CAPN5: variants seen among roughly 807,000 people sequenced by gnomAD.
The protein encoded by CAPN5 is calpain 5.
In CAPN5, 54 loss-of-function variants were observed where a neutral mutation model predicts 73.0. That is an observed-to-expected ratio of 0.74 (90% CI 0.59 to 0.93). The LOEUF (loss-of-function observed/expected upper bound fraction) is 0.93. Among genes scored for constraint, CAPN5 ranks in the 40% least tolerant of loss-of-function variants. The probability of loss-of-function intolerance (pLI) is 0.00; values close to 1 mark genes in which losing one functional copy is unlikely to be tolerated. For missense variants in CAPN5, 785 were observed against 882.9 expected (o/e 0.89, Z 1.41); for synonymous variants, 335 against 356.9 (o/e 0.94, Z 0.69).
intron 3 of CAPN5, among the ~76,000 whole-genome samples, chr11:77,105,898 TCCTGCC>T (rs1310862066): frequency 6.6e-6 from 1 of 152,164 alleles, no homozygotes; most frequent in Non-Finnish European, 1.5e-5. Flanking sequence ...GGAGGCGGCC[TCCTGCC>T]CAGGTCACAG....
At chr11:77,096,631 C>G (rs1449953639) in intron 3 of CAPN5, among the ~76,000 whole-genome samples, 12 of 152,256 alleles carry the variant, frequency 7.9e-5, no homozygotes, top group African/African-American at 2.9e-4. Context: ...GTTTTAGGAA[C>G]TTGAAATCAG....
Position 77,122,136 on chromosome 11 carries a change from TCTC to T in CAPN5, c.1603+90_1603+92del, listed in dbSNP as rs1950525854. Reference sequence around the variant, plus strand: ...CCAGCACGGATACCAGCCTCAGAGCTCTCCTGCTCTCAGAGGCACTGCAGGCCT... The same window carrying T: ...CCAGCACGGATACCAGCCTCAGAGCTCTGCTCTCAGAGGCACTGCAGGCCT... On this transcript the variant is annotated intron_variant, in intron 11 of 12. Transcript: ENST00000648180. 5 of 741,584 alleles carry T rather than the reference TCTC, an allele frequency of 6.7e-6. No individual in the cohort carries two copies. The Admixed American group carries it at 9.0e-5, about 13-fold the overall frequency. 45.9% of individuals were successfully genotyped at this position (741,584 alleles called of 1,614,324 possible).
chr11:77,107,400 T>C (rs181954434), intron 3 of CAPN5, among the ~76,000 whole-genome samples: 17 of 152,008 alleles, frequency 1.1e-4, no homozygotes, highest in Admixed American at 9.8e-4. Context: ...CAGGCAGAAA[T>C]GTGAAAAGCT....
chr11:77,088,102 C>A, intron 2 of CAPN5: 1 of 1,504,692 alleles, frequency 6.6e-7, no homozygotes, highest in Non-Finnish European at 8.8e-7. Context: ...AACATCCCCT[C>A]ATCCAGCATG....
At chr11:77,094,033 T>C (rs972652296) in intron 3 of CAPN5, among the ~76,000 whole-genome samples, 1 of 152,214 alleles carries the variant, frequency 6.6e-6, no homozygotes, top group Non-Finnish European at 1.5e-5. Flanking sequence ...TCCGTCAGGC[T>C]CCCAAGGTCA....
At chr11:77,084,786 G>T in intron 1 of CAPN5, 66 bp from the exon 2 acceptor site, 2 of 1,411,486 alleles carry the variant, frequency 1.4e-6, no homozygotes, top group South Asian at 1.2e-5. Flanking sequence ...GATGATGTCC[G>T]CTTCACAGGG....
rs782760698 is a variant in CAPN5 at position 77,123,875 on chromosome 11, T to G, written c.*5T>G. On this transcript the variant is annotated 3_prime_UTR_variant, in exon 13 of 13. Transcript: ENST00000648180. ...ACCTCCCTCATGGCTGTCTGACACC[T>G]GCCCACCTACCTGGCTCTGACCGTT... The G allele has an allele frequency of 6.2e-7, 1 of 1,611,958 alleles. No individual in the cohort carries two copies. The highest frequency in any genetic ancestry group is 8.5e-7 in the Non-Finnish European group (1 of 1,179,282).
rs1233348882 is a variant in CAPN5 at position 77,124,268 on chromosome 11, C to T, written c.*398C>T. 12 of 187,864 alleles carry T rather than the reference C, an allele frequency of 6.4e-5. No homozygotes were observed. The highest frequency in any genetic ancestry group is 2.7e-4 in the Admixed American group (5 of 18,186). The allele number at this position is 187,864 out of a possible 1,614,324, so 11.6% of individuals were successfully genotyped here. ...TCGTGTCCTAGGCCCAACCCAGCCT[C>T]CCAGACCTCACTTTCCCCATCAGCA... is the stretch of plus-strand genomic sequence containing the variant. On this transcript the variant is annotated 3_prime_UTR_variant, in exon 13 of 13. Coordinates refer to ENST00000648180, the MANE Select transcript of CAPN5 (RefSeq NM_004055.5).
At chr11:77,102,854 G>C in intron 3 of CAPN5, 1 of 1,596,332 alleles carries the variant, frequency 6.3e-7, no homozygotes, top group Non-Finnish European at 8.5e-7. Flanking sequence ...CGGAGGACAG[G>C]CCGCAGCAGC....
intron 1 of CAPN5, among the ~76,000 whole-genome samples, chr11:77,068,227 C>A (rs1017581581): frequency 2.0e-5 from 3 of 152,074 alleles, no homozygotes; most frequent in African/African-American, 7.2e-5. Flanking sequence ...CTGCCTTTGC[C>A]TCCTGGGCAG....
intron 2 of CAPN5, 50 bp from the exon 3 acceptor site, chr11:77,093,632 C>G (rs900973721): frequency 6.6e-7 from 1 of 1,521,316 alleles, no homozygotes; most frequent in African/African-American, 1.4e-5. Context: ...CCATGGGGGG[C>G]ATCCGCATGC....
At chr11:77,095,650 A>G (rs1371009577) in intron 3 of CAPN5, among the ~76,000 whole-genome samples, 1 of 151,762 alleles carries the variant, frequency 6.6e-6, no homozygotes, top group Admixed American at 6.6e-5. Flanking sequence ...GCTGGGCCTG[A>G]CTCCAGTCTC....
chr11:77,106,237 G>A (rs1402479158), intron 3 of CAPN5, among the ~76,000 whole-genome samples: 6 of 151,594 alleles, frequency 4.0e-5, no homozygotes, highest in African/African-American at 1.5e-4. Flanking sequence ...CACAGCATGC[G>A]CAGAACCCTT....
At chr11:77,071,332 A>G (rs10751273) in intron 1 of CAPN5, among the ~76,000 whole-genome samples, 111,794 of 152,166 alleles carry the variant, frequency 0.73, 41,357 homozygotes, top group African/African-American at 0.82. Context: ...TCCCTGGCAC[A>G]GCCGCATGGG....
chr11:77,108,822 G>T (rs1391976689), intron 3 of CAPN5, among the ~76,000 whole-genome samples: 1 of 151,814 alleles, frequency 6.6e-6, no homozygotes, highest in Non-Finnish European at 1.5e-5. Context: ...TCTAATTTGT[G>T]CTATAAATAT....
intron 3 of CAPN5, among the ~76,000 whole-genome samples, chr11:77,110,360 T>G (rs1950399651): frequency 6.6e-6 from 1 of 152,146 alleles, no homozygotes; most frequent in African/African-American, 2.4e-5. Flanking sequence ...TGAGACGTGT[T>G]TTTGATACAG....
Position 77,110,505 on chromosome 11 carries a change from G to C in CAPN5, c.298-2084G>C, listed in dbSNP as rs554117525. On this transcript the variant is annotated intron_variant, in intron 3 of 12. Transcript: ENST00000648180. ...GAACAGCCAGTGTTGAGCCCTTGCT[G>C]GGTTCCAGACAGTGAGGTTGGGAAG... Among the ~76,000 whole-genome samples, 7 of 152,314 alleles carry C rather than the reference G, an allele frequency of 4.6e-5. No individual in the cohort carries two copies. In the South Asian group the frequency reaches 1.0e-3, roughly 23 times the overall value.
At chr11:77,114,120 C>T in intron 4 of CAPN5, 122 bp from the exon 5 acceptor site, 1 of 845,722 alleles carries the variant, frequency 1.2e-6, no homozygotes, top group Non-Finnish European at 1.9e-6. Flanking sequence ...CCGCCGTGGC[C>T]TGCTGCGTGA....
chr11:77,112,800 A>G lies in CAPN5; in HGVS notation c.506+3A>G. The G allele has an allele frequency of 2.5e-6, 4 of 1,613,996 alleles. No homozygotes were observed. On this transcript the variant is annotated splice_donor_region_variant and intron_variant, in intron 4 of 12. Transcript: ENST00000648180. Reference sequence around the variant, plus strand: ...CTAGTGGAGAAGGCCTATGCCAAGTAGGTGCCAGCAGCAGGCAGGTGGGTG... The same window carrying G: ...CTAGTGGAGAAGGCCTATGCCAAGTGGGTGCCAGCAGCAGGCAGGTGGGTG...
Sources: allele counts gnomAD v4.1 joint callset (sites outside exome capture counted in the v4.1 genomes callset), GRCh38; gene constraint gnomAD v4.1.1; transcripts MANE v1.5; gene names NCBI Gene and HGNC (gene_info 2026-07-23, HGNC 2026-07-21).